Variants in PSG4 observed in about 807,000 individuals in gnomAD.
PSG4 encodes pregnancy-specific beta-1-glycoprotein 4.
Under a neutral mutation model 44.3 loss-of-function variants are expected in PSG4, and 61 were observed. That is an observed-to-expected ratio of 1.38 (90% confidence interval 1.12 to 1.70). The LOEUF (loss-of-function observed/expected upper bound fraction) is 1.70, where lower values mean the gene tolerates loss of function less well. PSG4 is among the 40% of genes most tolerant of loss of function. The probability of loss-of-function intolerance (pLI) is 0.00; values close to 1 mark genes in which losing one functional copy is unlikely to be tolerated. For synonymous variants in PSG4, 248 were observed against 191.3 expected (o/e 1.30, Z -2.45); for missense variants, 677 against 511.7 (o/e 1.32, Z -3.12).
At chr19:43,200,300 T>C (rs1291615630) in intron 2 of PSG4, among the ~76,000 whole-genome samples, 1 of 144,938 alleles carries the variant, frequency 6.9e-6, no homozygotes, top group Non-Finnish European at 1.5e-5. Flanking sequence ...ACCCACCTGG[T>C]CACCTCCAAC....
chr19:43,194,689 A>G (rs1162656569), intron 4 of PSG4, 95 bp from the exon 5 acceptor site: 22 of 1,512,926 alleles, frequency 1.5e-5, no homozygotes, highest in Non-Finnish European at 1.8e-5. Flanking sequence ...CTAAGCCAAG[A>G]CACACCTTCA....
rs1474946584 is a variant in PSG4, at chr19:43,204,037, AG to A, written c.278del (p.Pro93LeufsTer16). On this transcript the variant is annotated frameshift_variant, in exon 2 of 6. Coordinates refer to ENST00000405312, the MANE Select transcript of PSG4 (RefSeq NM_002780.5). LOFTEE classifies it high-confidence loss of function. ...VVDGQRIIYG[P>X]AYSGRERVYS... ...ATACTCTTTCTCTTCCACTGTATGC[AG>A]GCCCATATATAATTCTTTGACCGTC... 8.2e-6 allele frequency: 13 copies of A among 1,587,236 alleles called. 2 individuals carry two copies. The Admixed American group carries it at 2.1e-4, about 25-fold the overall frequency.
In PSG4 at chr19:43,193,322, G is replaced by A. The variant is rs1331012122; in HGVS notation, c.*50C>T. Reference sequence around the variant, plus strand: ...GGGCTTCTGGAACAGAGTGGGTCTTGCTCTTCGTGATTCCATGGGAGAAAA... The same window carrying A: ...GGGCTTCTGGAACAGAGTGGGTCTTACTCTTCGTGATTCCATGGGAGAAAA... On this transcript the variant is annotated 3_prime_UTR_variant, in exon 6 of 6. Transcript: ENST00000405312. 1.3e-5 allele frequency: 10 copies of A among 775,066 alleles called. No individual in the cohort carries two copies. The highest frequency in any genetic ancestry group is 2.2e-5 in the Non-Finnish European group (9 of 417,604). 48.0% of individuals were successfully genotyped at this position (775,066 alleles called of 1,614,324 possible).
rs1386713588 is a variant in PSG4 at position 43,204,156 on chromosome 19, G to C, written c.160C>G (p.Leu54Val). The C allele has an allele frequency of 1.9e-6, 3 of 1,587,256 alleles. No individual in the cohort carries two copies. The highest frequency in any genetic ancestry group is 2.6e-6 in the Non-Finnish European group (3 of 1,171,658). ...AGATTCTGGGGCAAATTGTGGACAAGTAGAAGAACATCCTTCCCCTCAGAA... is the reference window on the plus strand; with the variant it reads ...AGATTCTGGGGCAAATTGTGGACAACTAGAAGAACATCCTTCCCCTCAGAA... ...KVSEGKDVLL[L>V]VHNLPQNLAG... Residue 54 changes from leucine (L) to valine (V), a missense_variant, in exon 2 of 6, where the codon CTT (leucine) becomes GTT (valine). Transcript: ENST00000405312.
Position 43,205,484 on chromosome 19 carries a change from A to G in PSG4, c.53T>C (p.Val18Ala), listed in dbSNP as rs762495997. The G allele has an allele frequency of 2.5e-5, 39 of 1,546,330 alleles. 6 individuals carry two copies. In the Admixed American group the frequency reaches 3.5e-4, roughly 14 times the overall value. ...PCTQRITWKG[V>A]LLTASLLNFW... is the part of the protein sequence containing the mutation. ...AGTTCTCTCCTCACCTGTGAGCAGG[A>G]CCCCCTTCCAGGTGATGCGCTGTGT... The change falls in exon 1 of 6, where the codon GTC (valine) becomes GCC (alanine). Residue 18 changes from valine to alanine, a missense_variant. By Grantham distance (64) the Val-to-Ala change is moderately conservative. Transcript: ENST00000405312.
At chr19:43,202,203 A>G (rs1967545816) in intron 2 of PSG4, among the ~76,000 whole-genome samples, 1 of 145,618 alleles carries the variant, frequency 6.9e-6, no homozygotes, top group African/African-American at 2.6e-5. Context: ...TGGGAGGAAG[A>G]TGAGGGACAC....
rs757202621 is a variant in PSG4, at chr19:43,195,066, C to G, written c.917G>C (p.Gly306Ala). The change falls in exon 4 of 6, where the codon GGA becomes GCA. Residue 306 changes from glycine (G) to alanine (A), a missense_variant. Gly to Ala is a moderately conservative substitution (Grantham distance 60). Transcript: ENST00000405312. ...GTCCCGTATTTCACATTGATAAGGT[C>G]CTGTTTCATTTCTCGTGACATTGGG... is the stretch of plus-strand genomic sequence containing the variant. ...ILPNVTRNETGPYQCEIRDRY... is the reference protein window; with the variant it reads ...ILPNVTRNETAPYQCEIRDRY... 2.5e-6 allele frequency: 4 copies of G among 1,611,476 alleles called. No individual in the cohort carries two copies. The highest frequency in any genetic ancestry group is 3.4e-6 in the Non-Finnish European group (4 of 1,179,050).
intron 3 of PSG4, among the ~76,000 whole-genome samples, chr19:43,195,619 G>A (rs1040658293): frequency 8.6e-5 from 13 of 151,512 alleles, no homozygotes; most frequent in Admixed American, 2.6e-4. Context: ...TACCTGGAAT[G>A]TGCAACTACT....
Position 43,193,165 on chromosome 19 carries a change from G to A in PSG4, c.*207C>T. On this transcript the variant is annotated 3_prime_UTR_variant, in exon 6 of 6. Coordinates refer to ENST00000405312, the MANE Select transcript of PSG4 (RefSeq NM_002780.5). ...GTCCACAGTGTGAAGTCATCAACTT[G>A]TTATCCTGGTTTACAGTTTGAGTAG... 2 of 722,508 alleles carry A rather than the reference G, an allele frequency of 2.8e-6. No individual in the cohort carries two copies. The highest frequency in any genetic ancestry group is 1.9e-5 in the Admixed American group (1 of 52,902). 44.8% of individuals were successfully genotyped at this position (722,508 alleles called of 1,614,324 possible).
chr19:43,200,217 T>A (rs1599775741), intron 2 of PSG4, among the ~76,000 whole-genome samples: 1 of 144,356 alleles, frequency 6.9e-6, no homozygotes, highest in Admixed American at 6.9e-5. Context: ...CGTGAAGAAA[T>A]CCAACTTATG....
intron 2 of PSG4, 145 bp from the exon 3 acceptor site, chr19:43,198,420 T>C (rs534585037): frequency 4.4e-6 from 6 of 1,365,290 alleles, no homozygotes; most frequent in Middle Eastern, 2.7e-4. Flanking sequence ...TAAAGACAGA[T>C]GCATGGCAAT....
intron 2 of PSG4, chr19:43,203,509 T>G: frequency 4.7e-6 from 1 of 213,966 alleles, no homozygotes. Flanking sequence ...GGTTGAGGCT[T>G]CTAGGGCTGA....
Position 43,198,105 on chromosome 19 carries a change from T to C in PSG4, c.601A>G (p.Thr201Ala), listed in dbSNP as rs145207742. 3.5e-5 allele frequency: 56 copies of C among 1,587,236 alleles called. 4 individuals carry two copies. The highest frequency in any genetic ancestry group is 2.1e-4 in the South Asian group (19 of 89,932). ...TTTGTGACACCAAATATAAAGAGGG[T>C]CCTGTTGGTTTTGGACAGCTGCAAC... ...HRLQLSKTNR[T>A]LFIFGVTKYI... The change falls in exon 3 of 6, where the codon ACC becomes GCC. Residue 201 changes from threonine (T) to alanine (A), a missense_variant. By Grantham distance (58) the Thr-to-Ala change is moderately conservative. Coordinates refer to ENST00000405312, the MANE Select transcript of PSG4 (RefSeq NM_002780.5).
At chr19:43,195,346 G>C in intron 3 of PSG4, 73 bp from the exon 4 acceptor site, 4 of 1,572,292 alleles carry the variant, frequency 2.5e-6, no homozygotes, top group Non-Finnish European at 3.5e-6. Flanking sequence ...TTCAATCAGA[G>C]TTGGCATCTC....
At chr19:43,193,880 C>T (rs1395635238) in intron 5 of PSG4, 3 of 670,458 alleles carry the variant, frequency 4.5e-6, no homozygotes, top group Non-Finnish European at 8.1e-6. Context: ...ATAAACATAT[C>T]AATACTCATG....
intron 2 of PSG4, chr19:43,203,082 G>A (rs1415445575): frequency 1.4e-5 from 2 of 145,774 alleles, no homozygotes; most frequent in Admixed American, 6.8e-5. Flanking sequence ...ACAGTCACCT[G>A]ACCTAATGCT....
At chr19:43,194,247 G>C in intron 5 of PSG4, 93 bp downstream of exon 5, 1 of 1,602,914 alleles carries the variant, frequency 6.2e-7, no homozygotes. Context: ...ATGGGACACA[G>C]GCTGGGAATA....
rs1205450058 is a variant in PSG4 at position 43,204,224 on chromosome 19, G to A, written c.92C>T (p.Pro31Leu). The A allele has an allele frequency of 1.9e-6, 3 of 1,579,942 alleles. No individual in the cohort carries two copies. Among genetic ancestry groups the A allele is most frequent in the Admixed American group, 1.7e-5 (1 of 57,790 alleles). ...TTCAATCGTGACTTGGGCAGTTGTG[G>A]GCGGATTCCAGAAGTTTAAAAGTGA... ...TASLLNFWNP[P>L]TTAQVTIEAQ... is the part of the protein sequence containing the mutation. Residue 31 changes from proline to leucine, a missense_variant, in exon 2 of 6, where the codon CCC (proline) becomes CTC (leucine). By Grantham distance (98) the Pro-to-Leu change is moderately conservative. Transcript: ENST00000405312.
intron 4 of PSG4, 39 bp downstream of exon 4, chr19:43,194,956 G>C: frequency 1.9e-6 from 3 of 1,602,746 alleles, no homozygotes; most frequent in Non-Finnish European, 2.6e-6. Flanking sequence ...TTGGATTTAA[G>C]CTGGTGTCCT....
Sources: allele counts gnomAD v4.1 joint callset (sites outside exome capture counted in the v4.1 genomes callset), GRCh38; gene constraint gnomAD v4.1.1; transcripts MANE v1.5; gene names NCBI Gene and HGNC (gene_info 2026-07-23, HGNC 2026-07-21).